Variants in SMAP1 observed in about 807,000 individuals in gnomAD.
The protein encoded by SMAP1 is small ArfGAP 1.
Under a neutral mutation model 58.5 loss-of-function variants are expected in SMAP1, and 24 were observed. The observed-to-expected ratio is 0.41, with a 90% CI of 0.30 to 0.58. SMAP1 has a LOEUF of 0.58. SMAP1 is among the 20% of genes least tolerant of loss of function. The pLI is 0.29. For missense variants in SMAP1, 563 were observed against 566.3 expected, an observed-to-expected ratio of 0.99 and a Z score of 0.06; for synonymous variants, 216 against 196.6, an observed-to-expected ratio of 1.10 and a Z score of -0.82.
intron 2 of SMAP1, chr6:70,735,034 C>T (rs1348339957): frequency 1.3e-5 from 2 of 152,710 alleles, no homozygotes; most frequent in Non-Finnish European, 2.9e-5. Flanking sequence ...AGTGAGAATG[C>T]ATTTTGGCAT....
chr6:70,774,908 G>A (rs1205715037), intron 4 of SMAP1, among the ~76,000 whole-genome samples: 1 of 151,898 alleles, frequency 6.6e-6, no homozygotes, highest in Non-Finnish European at 1.5e-5. Context: ...AGCCACTTGG[G>A]AGGCTGAGGC....
intron 2 of SMAP1, among the ~76,000 whole-genome samples, chr6:70,740,785 C>G (rs1003941450): frequency 9.9e-5 from 15 of 152,090 alleles, no homozygotes. Context: ...TAAAGACATA[C>G]CTGAGACTGG....
chr6:70,676,615 G>T (rs1461977393), intron 1 of SMAP1, among the ~76,000 whole-genome samples: 1 of 152,094 alleles, frequency 6.6e-6, no homozygotes, highest in Non-Finnish European at 1.5e-5. Flanking sequence ...GTCACCTTCG[G>T]CTAACTTAAG....
intron 1 of SMAP1, among the ~76,000 whole-genome samples, chr6:70,718,903 C>T (rs532644481): frequency 5.3e-5 from 8 of 150,832 alleles, no homozygotes; most frequent in Admixed American, 2.0e-4. Context: ...TTTAAAAAGT[C>T]CTTTCTTGTT....
chr6:70,789,743 A>AG (rs1768262291), intron 4 of SMAP1, among the ~76,000 whole-genome samples: 1 of 150,882 alleles, frequency 6.6e-6, no homozygotes, highest in Non-Finnish European at 1.5e-5. Flanking sequence ...AAAAAAAAAA[A>AG]AAAAGTGGTT....
chr6:70,716,103 GA>G (rs1354272255), intron 1 of SMAP1, among the ~76,000 whole-genome samples: 1 of 152,190 alleles, frequency 6.6e-6, no homozygotes, highest in Non-Finnish European at 1.5e-5. Context: ...CCATCATACA[GA>G]TACATACCAC....
intron 6 of SMAP1, among the ~76,000 whole-genome samples, chr6:70,821,993 A>G (rs1273116047): frequency 6.6e-6 from 1 of 152,182 alleles, no homozygotes; most frequent in Non-Finnish European, 1.5e-5. Flanking sequence ...AAGAAATCCA[A>G]TTACTTTATG....
chr6:70,790,326 GA>G (rs1768291941), intron 4 of SMAP1, among the ~76,000 whole-genome samples: 2 of 152,034 alleles, frequency 1.3e-5, no homozygotes, highest in Non-Finnish European at 2.9e-5. Flanking sequence ...ATTTTTAGTA[GA>G]GACGGTTCCC....
At chr6:70,691,803 T>C (rs1265702202) in intron 1 of SMAP1, among the ~76,000 whole-genome samples, 1 of 152,212 alleles carries the variant, frequency 6.6e-6, no homozygotes, top group East Asian at 1.9e-4. Flanking sequence ...TCGTTTTTAT[T>C]GCTGAATATA....
chr6:70,786,021 C>G (rs559853077), intron 4 of SMAP1, among the ~76,000 whole-genome samples: 1 of 152,064 alleles, frequency 6.6e-6, no homozygotes, highest in Non-Finnish European at 1.5e-5. Context: ...TTAGACCAAT[C>G]TCCTTGATGA....
intron 4 of SMAP1, among the ~76,000 whole-genome samples, chr6:70,788,856 G>T (rs1768208348): frequency 6.6e-6 from 1 of 152,146 alleles, no homozygotes; most frequent in Admixed American, 6.6e-5. Flanking sequence ...ATATGTGGTG[G>T]TCAGTTTTAC....
Position 70,751,327 on chromosome 6 carries a change from TTAAAG to T in SMAP1, c.253-3648_253-3644del, listed in dbSNP as rs1458845593. 1.1e-4 allele frequency among the ~76,000 whole-genome samples: 16 copies of T among 152,346 alleles called. No individual in the cohort carries two copies. In the East Asian group the frequency reaches 2.5e-3, roughly 24 times the overall value. On this transcript the variant is annotated intron_variant, in intron 2 of 10. Coordinates refer to ENST00000370455, the MANE Select transcript of SMAP1 (RefSeq NM_001044305.3). ...TCCTCAATATGTTAATATATTTTTC[TTAAAG>T]TAAACATGAATGTTGAGTTTGTATT...
At chr6:70,703,608 A>G (rs944200036) in intron 1 of SMAP1, among the ~76,000 whole-genome samples, 3 of 152,184 alleles carry the variant, frequency 2.0e-5, no homozygotes, top group Admixed American at 2.0e-4. Context: ...TGATCCATTA[A>G]TAATAAAGTT....
chr6:70,750,346 C>T (rs1203838535), intron 2 of SMAP1, among the ~76,000 whole-genome samples: 1 of 152,042 alleles, frequency 6.6e-6, no homozygotes, highest in African/African-American at 2.4e-5. Flanking sequence ...TTTAGTTATA[C>T]GTGTTATTTT....
chr6:70,813,992 T>TA (rs1483813181), intron 6 of SMAP1, among the ~76,000 whole-genome samples: 2 of 152,176 alleles, frequency 1.3e-5, no homozygotes, highest in Non-Finnish European at 2.9e-5. Flanking sequence ...AACCTGAAAG[T>TA]AAAAAATGTG....
intron 1 of SMAP1, among the ~76,000 whole-genome samples, chr6:70,697,302 T>A (rs1767443783): frequency 6.6e-6 from 1 of 151,226 alleles, no homozygotes; most frequent in Non-Finnish European, 1.5e-5. Context: ...CTTCTCTTCC[T>A]TTATTCCTTT....
At chr6:70,767,737 T>C (rs1767063341) in intron 3 of SMAP1, among the ~76,000 whole-genome samples, 1 of 143,312 alleles carries the variant, frequency 7.0e-6, no homozygotes, top group Admixed American at 7.2e-5. Context: ...TGAATAACCC[T>C]TTATTTCCTT....
At chr6:70,859,722 T>C (rs1007938835) in intron 10 of SMAP1, 1 of 192,918 alleles carries the variant, frequency 5.2e-6, no homozygotes, top group African/African-American at 2.3e-5. Flanking sequence ...AAATAAATTT[T>C]AGATGTTTAT....
intron 4 of SMAP1, among the ~76,000 whole-genome samples, chr6:70,775,815 A>C (rs1217513723): frequency 6.6e-6 from 1 of 152,200 alleles, no homozygotes; most frequent in African/African-American, 2.4e-5. Context: ...AATGTATTCC[A>C]CCTATTCCAA....
Sources: gnomAD v4.1 joint callset for allele counts (sites outside exome capture counted in the v4.1 genomes callset) on GRCh38, gnomAD v4.1.1 for gene constraint, MANE v1.5 for transcripts, NCBI Gene and HGNC (gene_info 2026-07-23, HGNC 2026-07-21) for gene names.